Variants in UBE3B observed in about 807,000 individuals in gnomAD.
The protein encoded by UBE3B is ubiquitin protein ligase E3B.
A neutral mutation model predicts 132.3 loss-of-function variants in UBE3B; 80 were observed. That is an observed-to-expected ratio of 0.60 (90% CI 0.50 to 0.73). The LOEUF is 0.73. Among genes scored for constraint, UBE3B ranks in the 30% least tolerant of loss-of-function variants. UBE3B has a pLI of 0.00. For synonymous variants in UBE3B, 487 were observed against 520.4 expected, an observed-to-expected ratio of 0.94 and a Z score of 0.87; for missense variants, 1,196 against 1,362.5, an observed-to-expected ratio of 0.88 and a Z score of 1.92.
chr12:109,522,372 G>T lies in UBE3B; in HGVS notation c.2364+821G>T, dbSNP rs892124773. On this transcript the variant is annotated intron_variant, in intron 21 of 27. Transcript: ENST00000342494. This position sits in a 1 kb window ranked among gnomAD's most constrained non-coding sequence, Gnocchi z 4.2. ...AGCCAAGGTGGGACCACCTTCAGTGGGAAGTCACCGCCTGTTCCTTGGGAG... is the reference window on the plus strand; with the variant it reads ...AGCCAAGGTGGGACCACCTTCAGTGTGAAGTCACCGCCTGTTCCTTGGGAG... 6.6e-6 allele frequency among the ~76,000 whole-genome samples: 1 copy of T among 152,202 alleles called. No homozygotes were observed. Among genetic ancestry groups the T allele is most frequent in the Non-Finnish European group, 1.5e-5 (1 of 68,036 alleles).
chr12:109,496,289 A>G (rs139898869), intron 9 of UBE3B, among the ~76,000 whole-genome samples: 2 of 152,354 alleles, frequency 1.3e-5, no homozygotes, highest in East Asian at 3.9e-4. Flanking sequence ...ATATGGATAT[A>G]CCACATTTGA....
Position 109,534,992 on chromosome 12 carries a change from G to C in UBE3B, c.*210G>C. The C allele has an allele frequency of 2.5e-6, 1 of 404,942 alleles. No homozygotes were observed. The highest frequency in any genetic ancestry group is 4.3e-6 in the Non-Finnish European group (1 of 231,046). 25.1% of individuals were successfully genotyped at this position (404,942 alleles called of 1,614,324 possible). A position where few individuals can be genotyped will look rare whatever the true frequency, so the allele number is the denominator to read the frequency against. On this transcript the variant is annotated 3_prime_UTR_variant, in exon 28 of 28. Transcript: ENST00000342494. The surrounding 1 kb of genome is among the most constrained non-coding windows in gnomAD (Gnocchi z 5.2). Reference sequence around the variant, plus strand: ...CTCCAGGTGATGCCCAAGGCACAGGGCTGCAGAAAATAAACCTCCAGATTC... The same window carrying C: ...CTCCAGGTGATGCCCAAGGCACAGGCCTGCAGAAAATAAACCTCCAGATTC...
At chr12:109,498,384 T>C in intron 11 of UBE3B, 31 bp downstream of exon 11, 1 of 1,604,418 alleles carries the variant, frequency 6.2e-7, no homozygotes. Context: ...CTTGATTGTG[T>C]CCTGGCCATC....
intron 8 of UBE3B, chr12:109,490,754 G>A (rs1364981713): frequency 2.0e-5 from 28 of 1,387,380 alleles, no homozygotes; most frequent in Middle Eastern, 2.6e-4. Flanking sequence ...AGTTAACCTC[G>A]TTACCCAATA....
chr12:109,541,031 C>A (rs1344962528), downstream of UBE3B, among the ~76,000 whole-genome samples: 2 of 152,234 alleles, frequency 1.3e-5, no homozygotes, highest in African/African-American at 4.8e-5. Context: ...CCATGAACTG[C>A]CTCTGAGTCC....
At chr12:109,520,628 C>G (rs1246552919) in intron 19 of UBE3B, 1 of 152,704 alleles carries the variant, frequency 6.5e-6, no homozygotes, top group African/African-American at 2.4e-5. Context: ...CCATTACCTT[C>G]AGGATGTCCC....
At chr12:109,493,410 G>T (rs1163804159) in intron 9 of UBE3B, among the ~76,000 whole-genome samples, 4 of 152,158 alleles carry the variant, frequency 2.6e-5, no homozygotes, top group Non-Finnish European at 5.9e-5. Flanking sequence ...CCCTGTCCTG[G>T]TGTGGTTGTA....
chr12:109,546,698 G>C, the UBE3B span, among the ~76,000 whole-genome samples: 1 of 152,110 alleles, frequency 6.6e-6, no homozygotes, highest in Admixed American at 6.5e-5. Context: ...CCTGTTCTAG[G>C]CACTGGGATT....
At chr12:109,483,233 T>G (rs1236012064) in intron 2 of UBE3B, among the ~76,000 whole-genome samples, 1 of 152,224 alleles carries the variant, frequency 6.6e-6, no homozygotes, top group Non-Finnish European at 1.5e-5. Flanking sequence ...GATTCATTCT[T>G]TGTTCATTCG....
intron 9 of UBE3B, among the ~76,000 whole-genome samples, chr12:109,494,247 CAT>C (rs1324534490): frequency 2.6e-5 from 4 of 152,214 alleles, no homozygotes; most frequent in Non-Finnish European, 5.9e-5. Flanking sequence ...CTCCAGAACT[CAT>C]ACTCTTTCTT....
intron 9 of UBE3B, among the ~76,000 whole-genome samples, chr12:109,497,529 A>G (rs896054321): frequency 6.6e-6 from 1 of 152,158 alleles, no homozygotes; most frequent in African/African-American, 2.4e-5. Context: ...TCTTCCATGT[A>G]TATAGTTTTT....
intron 25 of UBE3B, 87 bp from the exon 26 acceptor site, chr12:109,530,460 C>A (rs1882827806): frequency 1.8e-6 from 2 of 1,106,032 alleles, no homozygotes; most frequent in Non-Finnish European, 2.7e-6. Flanking sequence ...CCAGAGTGGA[C>A]CGTGCCAGCT....
downstream of UBE3B, among the ~76,000 whole-genome samples, chr12:109,536,867 T>A (rs1428893247): frequency 6.6e-6 from 1 of 152,228 alleles, no homozygotes; most frequent in Non-Finnish European, 1.5e-5. Context: ...GTTGGCAGTC[T>A]GTCCTATTTG....
At chr12:109,533,829 GT>G in intron 27 of UBE3B, 2 of 1,062,154 alleles carry the variant, frequency 1.9e-6, no homozygotes, top group Non-Finnish European at 2.7e-6. Flanking sequence ...GGTACGTGCT[GT>G]TTTTAGTGGC....
In UBE3B at chr12:109,477,788, GGGCCTGCGGTCC is replaced by G. The variant is rs975362809; in HGVS notation, c.-439_-428del. Reference sequence around the variant, plus strand: ...AGGTCGGCCTGCGGGTAGGCCGGTAGGGCCTGCGGTCCGGCCTGCGGGAGAACTGGGTCGTCA... The same window carrying G: ...AGGTCGGCCTGCGGGTAGGCCGGTAGGGCCTGCGGGAGAACTGGGTCGTCA... On this transcript the variant is annotated 5_prime_UTR_variant, in exon 1 of 28. Transcript: ENST00000342494. 44 of 167,818 alleles carry G rather than the reference GGGCCTGCGGTCC, an allele frequency of 2.6e-4. 1 individual carries two copies. Among genetic ancestry groups the G allele is most frequent in the Admixed American group, 1.8e-3 (28 of 15,562 alleles). 10.4% of individuals were successfully genotyped at this position (167,818 alleles called of 1,614,324 possible). A position where few individuals can be genotyped will look rare whatever the true frequency, so the allele number is the denominator to read the frequency against.
At chr12:109,479,486 C>T (rs966834337) in intron 1 of UBE3B, among the ~76,000 whole-genome samples, 2 of 152,162 alleles carry the variant, frequency 1.3e-5, no homozygotes, top group Admixed American at 6.5e-5. Context: ...GGCCAAATGT[C>T]GGATAGAAGG....
chr12:109,526,133 G>A (rs1882307486), intron 23 of UBE3B, among the ~76,000 whole-genome samples: 1 of 152,134 alleles, frequency 6.6e-6, no homozygotes, highest in African/African-American at 2.4e-5. Context: ...TAATACAAAT[G>A]TTTGAACAAG....
chr12:109,502,635 A>G (rs751799524), intron 13 of UBE3B, among the ~76,000 whole-genome samples: 33 of 152,194 alleles, frequency 2.2e-4, no homozygotes, highest in Admixed American at 1.4e-3. Flanking sequence ...GTCACGCCTT[A>G]CTTCCCTCTA....
the UBE3B span, among the ~76,000 whole-genome samples, chr12:109,544,535 T>G: frequency 6.6e-6 from 1 of 152,030 alleles, no homozygotes; most frequent in Non-Finnish European, 1.5e-5. Context: ...CAGGAAAAGC[T>G]TCTAACTGAC....
Sources: allele counts gnomAD v4.1 joint callset (sites outside exome capture counted in the v4.1 genomes callset), GRCh38; gene constraint gnomAD v4.1.1; non-coding constraint Gnocchi (gnomAD v3.1); transcripts MANE v1.5; gene names NCBI Gene and HGNC (gene_info 2026-07-23, HGNC 2026-07-21).